GPC6: variants seen among roughly 807,000 people sequenced by gnomAD.
GPC6 encodes the protein glypican-6.
Under a neutral mutation model 55.2 loss-of-function variants are expected in GPC6, and 14 were observed. That is an observed-to-expected ratio of 0.25 (90% CI 0.17 to 0.40). GPC6 has a LOEUF of 0.40. Ranked by LOEUF, GPC6 falls within the 10% of genes least tolerant of loss-of-function variation. GPC6 has a pLI of 1.00. For synonymous variants in GPC6, 278 were observed against 259.6 expected (o/e 1.07, Z -0.68); for missense variants, 641 against 708.5 (o/e 0.90, Z 1.08).
At chr13:93,856,455 C>A (rs1366514961) in intron 3 of GPC6, among the ~76,000 whole-genome samples, 1 of 151,412 alleles carries the variant, frequency 6.6e-6, no homozygotes, top group Non-Finnish European at 1.5e-5. Context: ...ATCCTCACTA[C>A]AAAAATATCA....
chr13:93,889,111 A>G (rs1374233119), intron 3 of GPC6, among the ~76,000 whole-genome samples: 1 of 152,160 alleles, frequency 6.6e-6, no homozygotes, highest in African/African-American at 2.4e-5. Context: ...TAATTTTAAA[A>G]TATATGGTTG....
intron 2 of GPC6, among the ~76,000 whole-genome samples, chr13:93,580,112 G>T (rs1876864988): frequency 6.6e-6 from 1 of 152,168 alleles, no homozygotes; most frequent in Admixed American, 6.5e-5. Context: ...GGAGGCTGGT[G>T]CAAGTCCAAG....
intron 4 of GPC6, among the ~76,000 whole-genome samples, chr13:94,145,140 G>GATGA (rs1398529107): frequency 2.5e-5 from 3 of 122,180 alleles, no homozygotes; most frequent in Non-Finnish European, 5.7e-5. Context: ...TGGATGGGTG[G>GATGA]ATGGATGGAT....
At chr13:93,967,007 C>G (rs1181793887) in intron 3 of GPC6, among the ~76,000 whole-genome samples, 1 of 152,082 alleles carries the variant, frequency 6.6e-6, no homozygotes, top group East Asian at 1.9e-4. Flanking sequence ...TAGATTTAAA[C>G]AGTCTCTCCC....
upstream of GPC6, among the ~76,000 whole-genome samples, chr13:93,222,129 T>C (rs375837530): frequency 5.0e-4 from 76 of 152,342 alleles, no homozygotes; most frequent in Middle Eastern, 0.01. Flanking sequence ...TTACATGAGA[T>C]AGGGTAAGAC....
intron 1 of GPC6, among the ~76,000 whole-genome samples, chr13:93,376,252 G>C (rs1397060803): frequency 6.6e-6 from 1 of 151,940 alleles, no homozygotes; most frequent in African/African-American, 2.4e-5. Flanking sequence ...GAAAAGTCAA[G>C]ATATTATGGG....
chr13:93,815,175 A>G (rs1200114818), intron 2 of GPC6, among the ~76,000 whole-genome samples: 1 of 152,212 alleles, frequency 6.6e-6, no homozygotes, highest in African/African-American at 2.4e-5. Context: ...GAGGAAAAAA[A>G]TAAGAATGAT....
At chr13:93,909,082 C>A (rs1282713546) in intron 3 of GPC6, among the ~76,000 whole-genome samples, 1 of 152,150 alleles carries the variant, frequency 6.6e-6, no homozygotes, top group African/African-American at 2.4e-5. Flanking sequence ...AGGCAAGCAC[C>A]TGAGTGTCTT....
At chr13:93,486,627 A>T (rs879800873) in intron 1 of GPC6, among the ~76,000 whole-genome samples, 7 of 152,194 alleles carry the variant, frequency 4.6e-5, no homozygotes, top group Admixed American at 1.3e-4. Flanking sequence ...TCTTTTCCAA[A>T]ACAAATCTAT....
At chr13:93,782,955 G>A (rs1412382156) in intron 2 of GPC6, among the ~76,000 whole-genome samples, 4 of 152,050 alleles carry the variant, frequency 2.6e-5, no homozygotes, top group Non-Finnish European at 4.4e-5. Flanking sequence ...TAGGTATTAA[G>A]CCCTGCATGC....
chr13:93,800,619 A>G (rs1355064562), intron 2 of GPC6, among the ~76,000 whole-genome samples: 1 of 152,216 alleles, frequency 6.6e-6, no homozygotes, highest in African/African-American at 2.4e-5. Context: ...TATGCTTGCC[A>G]GAAAAGCATT....
intron 2 of GPC6, among the ~76,000 whole-genome samples, chr13:93,579,778 CA>C (rs1178044068): frequency 6.6e-6 from 1 of 152,022 alleles, no homozygotes; most frequent in Non-Finnish European, 1.5e-5. Flanking sequence ...TCATGATTAG[CA>C]TGGTGACTCA....
intron 1 of GPC6, among the ~76,000 whole-genome samples, chr13:93,335,390 A>G (rs1265238948): frequency 6.6e-6 from 1 of 152,214 alleles, no homozygotes; most frequent in Non-Finnish European, 1.5e-5. Flanking sequence ...GGGTATCCCA[A>G]CAACATTTTC....
intron 4 of GPC6, among the ~76,000 whole-genome samples, chr13:94,189,268 G>T (rs930815890): frequency 3.9e-5 from 6 of 152,088 alleles, no homozygotes; most frequent in African/African-American, 1.4e-4. Flanking sequence ...AATGGGCTTT[G>T]GGGGTGGACA....
chr13:93,408,275 C>T (rs1457123030), intron 1 of GPC6, among the ~76,000 whole-genome samples: 1 of 152,100 alleles, frequency 6.6e-6, no homozygotes, highest in Non-Finnish European at 1.5e-5. Flanking sequence ...AAATACAGAT[C>T]TTTATAGAGA....
intron 1 of GPC6, among the ~76,000 whole-genome samples, chr13:93,441,827 C>T (rs1239215659): frequency 6.6e-6 from 1 of 152,112 alleles, no homozygotes; most frequent in Non-Finnish European, 1.5e-5. Flanking sequence ...GGCTGAAGTG[C>T]AGTGGCATGA....
chr13:93,907,046 T>G (rs983424782), intron 3 of GPC6, among the ~76,000 whole-genome samples: 2 of 152,158 alleles, frequency 1.3e-5, no homozygotes, highest in Non-Finnish European at 2.9e-5. Context: ...CTGATGAGAC[T>G]AGAGATAGGA....
chr13:94,287,082 G>T (rs1038815447), intron 5 of GPC6, among the ~76,000 whole-genome samples: 1 of 152,080 alleles, frequency 6.6e-6, no homozygotes, highest in Non-Finnish European at 1.5e-5. Flanking sequence ...CAAATGCCAG[G>T]TGCACAATTT....
At chr13:93,836,576 A>G (rs927459285) in intron 3 of GPC6, among the ~76,000 whole-genome samples, 6 of 152,208 alleles carry the variant, frequency 3.9e-5, no homozygotes, top group Non-Finnish European at 8.8e-5. Flanking sequence ...TTACTTCAAT[A>G]ATATACAGTG....
Sources: gnomAD v4.1 joint callset for allele counts (sites outside exome capture counted in the v4.1 genomes callset) on GRCh38, gnomAD v4.1.1 for gene constraint, MANE v1.5 for transcripts, NCBI Gene and HGNC (gene_info 2026-07-23, HGNC 2026-07-21) for gene names.